Variants in CSNK1E observed in about 807,000 individuals in gnomAD.
CSNK1E encodes casein kinase 1 epsilon, also known as casein kinase I isoform epsilon.
Under a neutral mutation model 46.1 loss-of-function variants are expected in CSNK1E, and 17 were observed. The observed-to-expected ratio is 0.37, with a 90% CI of 0.25 to 0.55. CSNK1E has a LOEUF of 0.55. CSNK1E is among the 20% of genes least tolerant of loss of function. The probability of loss-of-function intolerance (pLI) is 0.82; values close to 1 mark genes in which losing one functional copy is unlikely to be tolerated. For synonymous variants in CSNK1E, 241 were observed against 242.6 expected (o/e 0.99, Z 0.06); for missense variants, 386 against 595.4 (o/e 0.65, Z 3.66).
In CSNK1E at chr22:38,294,229, C is replaced by G. The variant is rs771634827; in HGVS notation, c.1098G>C (p.Ala366=). ...IQPAGNTSPR[A]ISRVDRERKV... The stretch of plus-strand genomic sequence containing the variant: ...TCCTCTCCCGGTCGACCCGCGAGAT[C>G]GCTCTGGGAGAAGTATTGCCTGGAG... Residue 366 remains alanine (A), a synonymous_variant, in exon 9 of 11, where the codon GCG becomes GCC. Transcript: ENST00000396832. This position sits in a 1 kb window ranked among gnomAD's most constrained non-coding sequence, Gnocchi z 5.5. 1.2e-6 allele frequency: 2 copies of G among 1,612,430 alleles called. No homozygotes were observed. Among genetic ancestry groups the G allele is most frequent in the Admixed American group, 1.7e-5 (1 of 59,980 alleles).
At chr22:38,292,853 CT>C in intron 10 of CSNK1E, 1 of 233,606 alleles carries the variant, frequency 4.3e-6, no homozygotes, top group Non-Finnish European at 8.6e-6. Context: ...TGTTGTGAGT[CT>C]TGTGCAGGAA....
At chr22:38,296,232 A>G in intron 7 of CSNK1E, 1 of 1,086,072 alleles carries the variant, frequency 9.2e-7, no homozygotes, top group Non-Finnish European at 1.1e-6. Context: ...TATTGCCCAT[A>G]GAAAACATAA....
chr22:38,303,111 G>A lies in CSNK1E; in HGVS notation c.187+27C>T, dbSNP rs753966853. ...GGCTGCCCACCGCCACCCACCCGGC[G>A]CCCGCCGCCGCCCACCCTGCGCTCA... On this transcript the variant is annotated intron_variant, in intron 3 of 10. Coordinates refer to ENST00000396832, the MANE Select transcript of CSNK1E (RefSeq NM_152221.3). This position sits in a 1 kb window ranked among gnomAD's most constrained non-coding sequence, Gnocchi z 4.7. 16 of 1,592,644 alleles carry A rather than the reference G, an allele frequency of 1.0e-5. No homozygotes were observed. The highest frequency in any genetic ancestry group is 5.4e-5 in the African/African-American group (4 of 74,398).
rs922955913 is a variant in CSNK1E, at chr22:38,294,815, A to C, written c.886-281T>G. Among the ~76,000 whole-genome samples, 3 of 152,124 alleles carry C rather than the reference A, an allele frequency of 2.0e-5. No homozygotes were observed. Among genetic ancestry groups the C allele is most frequent in the Non-Finnish European group, 4.4e-5 (3 of 68,020 alleles). ...GGATGGAGCCAGAGAAAGGACAACT[A>C]ATGCGCCCAGGATGATCAAGAGCAC... On this transcript the variant is annotated intron_variant, in intron 7 of 10. Coordinates refer to ENST00000396832, the MANE Select transcript of CSNK1E (RefSeq NM_152221.3). This position sits in a 1 kb window ranked among gnomAD's most constrained non-coding sequence, Gnocchi z 5.5.
chr22:38,314,877 T>G (rs1236682932), intron 1 of CSNK1E, among the ~76,000 whole-genome samples: 1 of 151,816 alleles, frequency 6.6e-6, no homozygotes, highest in Non-Finnish European at 1.5e-5. Context: ...AGCCCTCTGC[T>G]CTGGCCTGGG....
chr22:38,300,658 G>C lies in CSNK1E; in HGVS notation c.565+66C>G. On this transcript the variant is annotated intron_variant, in intron 5 of 10. Coordinates refer to ENST00000396832, the MANE Select transcript of CSNK1E (RefSeq NM_152221.3). The surrounding 1 kb of genome is among the most constrained non-coding windows in gnomAD (Gnocchi z 4.4). ...CTCCATCAGGGTAGGGGGTGAGAGG[G>C]CTCCAGAGAGCTGGGCCCCAGCCAG... is the stretch of plus-strand genomic sequence containing the variant. 1 of 1,486,564 alleles carries C rather than the reference G, an allele frequency of 6.7e-7. No homozygotes were observed. The highest frequency in any genetic ancestry group is 9.3e-7 in the Non-Finnish European group (1 of 1,074,164). 92.1% of individuals were successfully genotyped at this position (1,486,564 alleles called of 1,614,324 possible).
intron 4 of CSNK1E, among the ~76,000 whole-genome samples, chr22:38,301,813 C>T (rs1401155751): frequency 1.3e-5 from 2 of 152,138 alleles, no homozygotes; most frequent in African/African-American, 4.8e-5. Flanking sequence ...AGCTCAACAT[C>T]TCCTGCACCT....
At position 38,291,410 on chromosome 22, in the gene CSNK1E, G is replaced by T; in HGVS notation, c.*561C>A. The T allele has an allele frequency of 6.5e-6, 1 of 153,690 alleles. No individual in the cohort carries two copies. Among genetic ancestry groups the T allele is most frequent in the Non-Finnish European group, 1.4e-5 (1 of 69,200 alleles). 9.5% of individuals were successfully genotyped at this position (153,690 alleles called of 1,614,324 possible). ...CACCTCCCCACCCACTCCATGGAGAGGCAGAGGAGGAGCCTGGAGGCCAGG... is the reference window on the plus strand; with the variant it reads ...CACCTCCCCACCCACTCCATGGAGATGCAGAGGAGGAGCCTGGAGGCCAGG... On this transcript the variant is annotated 3_prime_UTR_variant, in exon 11 of 11. Transcript: ENST00000396832.
At chr22:38,296,118 G>A (rs1487874987) in intron 7 of CSNK1E, 1 of 979,832 alleles carries the variant, frequency 1.0e-6, no homozygotes, top group Non-Finnish European at 1.2e-6. Flanking sequence ...AGCCCAGCAG[G>A]CTCAGGCCAT....
intron 7 of CSNK1E, chr22:38,296,939 T>C: frequency 1.6e-6 from 1 of 610,642 alleles, no homozygotes; most frequent in Non-Finnish European, 2.9e-6. Context: ...CATGCCCAGC[T>C]AATTTTTGTG....
At chr22:38,310,818 G>A (rs1414809526) in intron 2 of CSNK1E, among the ~76,000 whole-genome samples, 1 of 152,252 alleles carries the variant, frequency 6.6e-6, no homozygotes, top group Non-Finnish European at 1.5e-5. Context: ...CTTGGAGGAC[G>A]CATCCAGCCC....
chr22:38,297,576 C>T, intron 7 of CSNK1E: 1 of 1,000,438 alleles, frequency 1.0e-6, no homozygotes, highest in Non-Finnish European at 1.2e-6. Context: ...GGCTGAGGGC[C>T]CTGCCATGAA....
chr22:38,295,096 G>A (rs1229465983), intron 7 of CSNK1E, among the ~76,000 whole-genome samples: 1 of 152,196 alleles, frequency 6.6e-6, no homozygotes, highest in Non-Finnish European at 1.5e-5. Flanking sequence ...CCTTCCCCCT[G>A]CCGGGACCTG....
rs762844419 is a variant in CSNK1E, at chr22:38,294,258, G to C, written c.1079-10C>G. 6.2e-7 allele frequency: 1 copy of C among 1,610,620 alleles called. No individual in the cohort carries two copies. The highest frequency in any genetic ancestry group is 1.1e-5 in the South Asian group (1 of 90,996). ...CTGGGAGAAGTATTGCCTGGAGGGA[G>C]AGTGGGAAGCCACCCTCAGAGTAGG... is the stretch of plus-strand genomic sequence containing the variant. On this transcript the variant is annotated splice_polypyrimidine_tract_variant and intron_variant, in intron 8 of 10. Coordinates refer to ENST00000396832, the MANE Select transcript of CSNK1E (RefSeq NM_152221.3). The surrounding 1 kb of genome is among the most constrained non-coding windows in gnomAD (Gnocchi z 5.5).
intron 2 of CSNK1E, among the ~76,000 whole-genome samples, chr22:38,307,544 C>T (rs1425323210): frequency 6.6e-6 from 1 of 152,096 alleles, no homozygotes; most frequent in East Asian, 1.9e-4. Flanking sequence ...AGCGAGACTC[C>T]GTCTCAAAAC....
At position 38,308,704 on chromosome 22, in the gene CSNK1E, G is replaced by A. The variant is rs547048272; in HGVS notation, c.76+5378C>T. Among the ~76,000 whole-genome samples, 9 of 152,212 alleles carry A rather than the reference G, an allele frequency of 5.9e-5. No homozygotes were observed. The East Asian group carries it at 1.5e-3, about 26-fold the overall frequency. ...ATGAGCCGGTGTCCACCCAGTGGGA[G>A]GAGGGGAAGAGGGAATAAGCCATGC... On this transcript the variant is annotated intron_variant, in intron 2 of 10. Transcript: ENST00000396832.
chr22:38,316,994 C>G (rs1028851033), intron 1 of CSNK1E, 166 bp downstream of exon 1: 1 of 152,008 alleles, frequency 6.6e-6, no homozygotes, highest in African/African-American at 2.4e-5. Context: ...TTGTCCTCGC[C>G]GGGCCGAGCG....
intron 2 of CSNK1E, among the ~76,000 whole-genome samples, chr22:38,313,610 C>G (rs893049710): frequency 1.3e-5 from 2 of 152,220 alleles, no homozygotes; most frequent in Non-Finnish European, 2.9e-5. Context: ...CACCCCACCC[C>G]CGAGGTTACA....
At position 38,294,614 on chromosome 22, in the gene CSNK1E, A is replaced by AG. The variant is rs1350733345; in HGVS notation, c.886-81dup. On this transcript the variant is annotated intron_variant, in intron 7 of 10. Coordinates refer to ENST00000396832, the MANE Select transcript of CSNK1E (RefSeq NM_152221.3). The surrounding 1 kb of genome is among the most constrained non-coding windows in gnomAD (Gnocchi z 5.5). ...GCCCAGCAGCCCTGCAGGGCACAGA[A>AG]GGGGAGGGAGGCCAGGTGGATATCT... is the stretch of plus-strand genomic sequence containing the variant. 7 of 1,334,478 alleles carry AG rather than the reference A, an allele frequency of 5.2e-6. No individual in the cohort carries two copies. The African/African-American group carries it at 1.0e-4, about 20-fold the overall frequency. The allele number at this position is 1,334,478 out of a possible 1,614,324, so 82.7% of individuals were successfully genotyped here. A position where few individuals can be genotyped will look rare whatever the true frequency, so the allele number is the denominator to read the frequency against.
Sources: gnomAD v4.1 joint callset for allele counts (sites outside exome capture counted in the v4.1 genomes callset) on GRCh38, gnomAD v4.1.1 for gene constraint, Gnocchi (gnomAD v3.1) non-coding constraint, MANE v1.5 for transcripts, NCBI Gene and HGNC (gene_info 2026-07-23, HGNC 2026-07-21) for gene names.